DIP2C: variants seen among roughly 807,000 people sequenced by gnomAD.
DIP2C encodes the protein DIP2 acetate--CoA ligase C (putative), also known as disco-interacting protein 2 homolog C.
Under a neutral mutation model 192.4 loss-of-function variants are expected in DIP2C, and 33 were observed. The observed-to-expected ratio is 0.17, with a 90% CI of 0.13 to 0.23. The LOEUF (loss-of-function observed/expected upper bound fraction) is 0.23, where lower values mean the gene tolerates loss of function less well. DIP2C is among the 10% of genes least tolerant of loss of function. The pLI is 1.00. For missense variants in DIP2C, 1,537 were observed against 2,110.1 expected (o/e 0.73, Z 5.32); for synonymous variants, 979 against 864.1 (o/e 1.13, Z -2.33).
chr10:348,029 A>G (rs924689889), intron 26 of DIP2C, among the ~76,000 whole-genome samples: 3 of 137,940 alleles, frequency 2.2e-5, no homozygotes, highest in African/African-American at 8.1e-5. Context: ...CGCGTCGCGC[A>G]TAGCTCTCCT....
In DIP2C at chr10:390,414, A is replaced by C. The variant is rs375781526; in HGVS notation, c.1385-41T>G. 2.5e-6 allele frequency: 4 copies of C among 1,581,400 alleles called. No individual in the cohort carries two copies. The African/African-American group carries it at 4.1e-5, about 16-fold the overall frequency. On this transcript the variant is annotated intron_variant, in intron 11 of 36. Transcript: ENST00000280886. ...CAAGTTCCTTTTAAATGTTACTCTG[A>C]AAGTCGGTCTGTAGAATTTCTCCCC... is the stretch of plus-strand genomic sequence containing the variant.
At chr10:522,697 G>T (rs535531438) in intron 1 of DIP2C, among the ~76,000 whole-genome samples, 1 of 152,370 alleles carries the variant, frequency 6.6e-6, no homozygotes, top group South Asian at 2.1e-4. Flanking sequence ...TCTGTCCAAG[G>T]TCTTTGGTCC....
At chr10:310,372 A>T (rs1268676869) in intron 31 of DIP2C, among the ~76,000 whole-genome samples, 2 of 152,230 alleles carry the variant, frequency 1.3e-5, no homozygotes, top group African/African-American at 4.8e-5. Context: ...ACTGTGCCAA[A>T]AAAAGGAAGG....
intron 17 of DIP2C, among the ~76,000 whole-genome samples, chr10:382,417 G>A (rs1703868842): frequency 6.6e-6 from 1 of 152,176 alleles, no homozygotes; most frequent in African/African-American, 2.4e-5. Context: ...CACTTATTAA[G>A]GAATTACCGT....
intron 24 of DIP2C, among the ~76,000 whole-genome samples, chr10:352,130 C>A (rs1324494200): frequency 6.6e-6 from 1 of 152,270 alleles, no homozygotes; most frequent in African/African-American, 2.4e-5. Flanking sequence ...GTTTCTTCCC[C>A]ATCTCTGGAG....
intron 4 of DIP2C, among the ~76,000 whole-genome samples, chr10:424,698 A>G (rs1422339716): frequency 1.3e-5 from 2 of 152,182 alleles, no homozygotes; most frequent in South Asian, 4.1e-4. Context: ...CACAATTTCT[A>G]TAAAAGTAAA....
intron 29 of DIP2C, among the ~76,000 whole-genome samples, chr10:333,010 C>T (rs558153350): frequency 6.6e-6 from 1 of 152,356 alleles, no homozygotes; most frequent in East Asian, 1.9e-4. Flanking sequence ...TCAAGTGATT[C>T]TCCTGCCTCA....
chr10:478,785 A>T (rs1315931364), intron 2 of DIP2C, among the ~76,000 whole-genome samples: 1 of 151,852 alleles, frequency 6.6e-6, no homozygotes, highest in Non-Finnish European at 1.5e-5. Context: ...AGGCGTGCAG[A>T]TACATCCAAA....
intron 1 of DIP2C, among the ~76,000 whole-genome samples, chr10:594,318 TCC>T (rs1190399632): frequency 1.3e-5 from 2 of 151,844 alleles, no homozygotes; most frequent in Non-Finnish European, 2.9e-5. Context: ...CACATGAAAC[TCC>T]CCACTTACCT....
intron 1 of DIP2C, among the ~76,000 whole-genome samples, chr10:602,711 T>C (rs1852172950): frequency 6.6e-6 from 1 of 152,204 alleles, no homozygotes; most frequent in African/African-American, 2.4e-5. Context: ...ACTTTCTCAG[T>C]GGGCCAGAGG....
chr10:293,330 G>C (rs1955585356), intron 32 of DIP2C, among the ~76,000 whole-genome samples: 2 of 152,330 alleles, frequency 1.3e-5, no homozygotes, highest in Admixed American at 1.3e-4. Flanking sequence ...CAGGACGCAG[G>C]GAAACCCGGT....
chr10:674,869 C>T (rs912663939), intron 1 of DIP2C, among the ~76,000 whole-genome samples: 1 of 150,460 alleles, frequency 6.6e-6, no homozygotes, highest in Non-Finnish European at 1.5e-5. Flanking sequence ...ACCCCACTTT[C>T]AGCACTGGAG....
intron 1 of DIP2C, among the ~76,000 whole-genome samples, chr10:560,194 C>T (rs925400141): frequency 3.3e-5 from 5 of 152,124 alleles, no homozygotes; most frequent in Admixed American, 3.3e-4. Context: ...CCTCCACGCA[C>T]AGCAGAGAGC....
intron 1 of DIP2C, among the ~76,000 whole-genome samples, chr10:529,766 CTA>C (rs1847261335): frequency 6.6e-6 from 1 of 151,956 alleles, no homozygotes; most frequent in South Asian, 2.1e-4. Flanking sequence ...TCCCCTCCTG[CTA>C]TGGAAAGGTT....
intron 2 of DIP2C, among the ~76,000 whole-genome samples, chr10:481,845 C>G (rs1843634595): frequency 6.6e-6 from 1 of 152,228 alleles, no homozygotes; most frequent in Non-Finnish European, 1.5e-5. Context: ...GGCCCACCCC[C>G]ACAGGCAGAC....
At chr10:600,364 A>T (rs903771065) in intron 1 of DIP2C, among the ~76,000 whole-genome samples, 24 of 151,256 alleles carry the variant, frequency 1.6e-4, no homozygotes, top group African/African-American at 5.6e-4. Context: ...TGCTAATAAG[A>T]GTGTCCCAAA....
Position 327,038 on chromosome 10 carries a change from C to T in DIP2C, c.3892G>A (p.Gly1298Ser), listed in dbSNP as rs765021803. The T allele has an allele frequency of 1.9e-5, 30 of 1,613,900 alleles. No individual in the cohort carries two copies. The highest frequency in any genetic ancestry group is 8.9e-5 in the East Asian group (4 of 44,894). The change falls in exon 31 of 37, where the codon GGT becomes AGT. Residue 1298 changes from glycine (G) to serine (S), a missense_variant. Gly to Ser is a moderately conservative substitution (Grantham distance 56, BLOSUM62 0). Around this residue, in one of 4 missense-constraint regions of DIP2C, gnomAD observed 341 missense variants for 551.7 expected, o/e 0.62. Transcript: ENST00000280886. ...LHPRAVSTSFGCRVNLAICLQ... is the reference protein window; with the variant it reads ...LHPRAVSTSFSCRVNLAICLQ... ...CAAATCGCCAGGTTCACCCTGCAAC[C>T]GAACGAGGTGCTGACGGCCCGCGGG...
rs549370732 is a variant in DIP2C at position 369,100 on chromosome 10, CAT to C, written c.2131+392_2131+393del. Among the ~76,000 whole-genome samples the C allele has an allele frequency of 1.8e-4, 27 of 152,370 alleles. No individual in the cohort carries two copies. The East Asian group carries it at 2.9e-3, about 16-fold the overall frequency. ...ACAAACTCACATTCCTTGATTTTCA[CAT>C]GTGTCTGCCTTGGCGGAAGCCGAGC... On this transcript the variant is annotated intron_variant, in intron 18 of 36. Transcript: ENST00000280886.
At chr10:298,666 G>A (rs1015091988) in intron 32 of DIP2C, among the ~76,000 whole-genome samples, 2 of 152,228 alleles carry the variant, frequency 1.3e-5, no homozygotes, top group Non-Finnish European at 2.9e-5. Flanking sequence ...TGGGGCTGCA[G>A]CATTCTCCCA....
Sources: gnomAD v4.1 joint callset for allele counts (sites outside exome capture counted in the v4.1 genomes callset) on GRCh38, gnomAD v4.1.1 for gene constraint, gnomAD v4.1.1 regional missense constraint, MANE v1.5 for transcripts, NCBI Gene and HGNC (gene_info 2026-07-23, HGNC 2026-07-21) for gene names.